ROR2: variants seen among roughly 807,000 people sequenced by gnomAD.
The protein encoded by ROR2 is ROR family WNT receptor 2.
In ROR2, 33 loss-of-function variants were observed where a neutral mutation model predicts 74.9. That is an observed-to-expected ratio of 0.44 (90% CI 0.33 to 0.59). The LOEUF (loss-of-function observed/expected upper bound fraction) is 0.59, where lower values mean the gene tolerates loss of function less well. ROR2 is among the 20% of genes least tolerant of loss of function. The probability of loss-of-function intolerance (pLI) is 0.02; values close to 1 mark genes in which losing one functional copy is unlikely to be tolerated. For missense variants in ROR2, 1,216 were observed against 1,313.8 expected, an observed-to-expected ratio of 0.93 and a Z score of 1.15; for synonymous variants, 586 against 558.7, an observed-to-expected ratio of 1.05 and a Z score of -0.69.
intron 1 of ROR2, among the ~76,000 whole-genome samples, chr9:91,779,175 A>C (rs1173410903): frequency 1.3e-5 from 2 of 152,146 alleles, no homozygotes; most frequent in Non-Finnish European, 2.9e-5. Context: ...GGTGTTAACA[A>C]TAGGGGAAAC....
chr9:91,808,491 T>C (rs1253579390), intron 1 of ROR2, among the ~76,000 whole-genome samples: 2 of 150,744 alleles, frequency 1.3e-5, no homozygotes, highest in Non-Finnish European at 2.9e-5. Flanking sequence ...TAGCTGGGTG[T>C]GGTGGCACAT....
rs764692122 is a variant in ROR2, at chr9:91,724,146, T to C, written c.2348A>G (p.Asn783Ser). 2 of 1,611,410 alleles carry C rather than the reference T, an allele frequency of 1.2e-6. No homozygotes were observed. Among genetic ancestry groups the C allele is most frequent in the South Asian group, 2.2e-5 (2 of 91,080 alleles). ...CTGCTTGGGCCCCACGTAGCGGGCG[T>C]TGCTCACATTGCTCACTGGGCTGGT... ...LSTSPVSNVS[N>S]ARYVGPKQKA... The change falls in exon 9 of 9, where the codon AAC (asparagine) becomes AGC (serine). Residue 783 changes from asparagine to serine, a missense_variant. Physicochemically the swap from Asn to Ser is conservative, Grantham distance 46. Coordinates refer to ENST00000375708, the MANE Select transcript of ROR2 (RefSeq NM_004560.4).
At chr9:91,757,621 T>C in intron 2 of ROR2, 62 bp from the exon 3 acceptor site, 1 of 1,570,404 alleles carries the variant, frequency 6.4e-7, no homozygotes, top group Non-Finnish European at 8.7e-7. Context: ...AAGGGCTACC[T>C]GGGGGCTCTG....
chr9:91,763,431 ACT>A, intron 2 of ROR2, among the ~76,000 whole-genome samples: 1 of 152,208 alleles, frequency 6.6e-6, no homozygotes, highest in East Asian at 1.9e-4. Context: ...TTTGTACTTC[ACT>A]AACAATATCT....
At chr9:91,825,559 G>A (rs540228969) in intron 1 of ROR2, among the ~76,000 whole-genome samples, 3 of 152,330 alleles carry the variant, frequency 2.0e-5, no homozygotes, top group East Asian at 1.9e-4. Flanking sequence ...CAGGCAGGGG[G>A]AGAAGGTGGG....
At chr9:91,896,351 A>C (rs1830539099) in intron 1 of ROR2, among the ~76,000 whole-genome samples, 1 of 152,178 alleles carries the variant, frequency 6.6e-6, no homozygotes, top group Non-Finnish European at 1.5e-5. Context: ...TGCTGTCCTC[A>C]TCCAGTTTAT....
intron 2 of ROR2, among the ~76,000 whole-genome samples, chr9:91,762,982 T>C (rs1433058127): frequency 1.3e-5 from 2 of 152,092 alleles, no homozygotes; most frequent in Non-Finnish European, 2.9e-5. Flanking sequence ...TTATACACCA[T>C]GGAATACAAT....
At chr9:91,874,617 A>C (rs930345554) in intron 1 of ROR2, among the ~76,000 whole-genome samples, 11 of 152,178 alleles carry the variant, frequency 7.2e-5, no homozygotes, top group African/African-American at 2.4e-4. Context: ...AAAGAAACCA[A>C]AACTGAAAAC....
At chr9:91,922,465 A>AT (rs985804702) in intron 1 of ROR2, among the ~76,000 whole-genome samples, 4 of 151,604 alleles carry the variant, frequency 2.6e-5, no homozygotes, top group East Asian at 2.0e-4. Flanking sequence ...TTTATTTTTT[A>AT]TTTTTTGAGA....
At chr9:91,829,709 C>T (rs1286265978) in intron 1 of ROR2, among the ~76,000 whole-genome samples, 1 of 152,160 alleles carries the variant, frequency 6.6e-6, no homozygotes, top group Non-Finnish European at 1.5e-5. Context: ...TATTCTGGAA[C>T]TGGACCAGCT....
In ROR2 at chr9:91,747,911, A is replaced by G. The variant is rs116723680; in HGVS notation, c.494+8160T>C. Among the ~76,000 whole-genome samples the G allele has an allele frequency of 6.1e-3, 923 of 152,316 alleles. 6 individuals carry two copies. Among genetic ancestry groups the G allele is most frequent in the African/African-American group, 0.021 (863 of 41,562 alleles). On this transcript the variant is annotated intron_variant, in intron 4 of 8. Coordinates refer to ENST00000375708, the MANE Select transcript of ROR2 (RefSeq NM_004560.4). ...TCTGCCAGAAAGCACAGTGGTGGTT[A>G]CCAGAGGCTGGGACTGTGGAACTGG...
intron 4 of ROR2, 40 bp from the exon 5 acceptor site, chr9:91,737,558 G>T: frequency 1.2e-6 from 2 of 1,613,834 alleles, no homozygotes; most frequent in Non-Finnish European, 1.7e-6. Flanking sequence ...GCTCTGGGAG[G>T]TGCCAGGTCC....
intron 1 of ROR2, among the ~76,000 whole-genome samples, chr9:91,889,873 G>A (rs759783206): frequency 2.1e-4 from 32 of 152,204 alleles, no homozygotes; most frequent in African/African-American, 7.5e-4. Context: ...ACTCTGCACA[G>A]CAAAAGGCTC....
intron 1 of ROR2, among the ~76,000 whole-genome samples, chr9:91,849,394 A>G (rs1829029951): frequency 1.3e-5 from 2 of 152,226 alleles, no homozygotes; most frequent in South Asian, 4.1e-4. Context: ...CTTCACTTTC[A>G]AAGATGTGCT....
chr9:91,869,999 C>G (rs1829750681), intron 1 of ROR2, among the ~76,000 whole-genome samples: 1 of 152,084 alleles, frequency 6.6e-6, no homozygotes, highest in African/African-American at 2.4e-5. Flanking sequence ...GTTCCGAGAG[C>G]CAAGAATAGT....
intron 1 of ROR2, among the ~76,000 whole-genome samples, chr9:91,912,484 C>T (rs1587841945): frequency 6.6e-6 from 1 of 152,012 alleles, no homozygotes; most frequent in East Asian, 1.9e-4. Context: ...ACCGTATGTG[C>T]TCCCAAAATA....
chr9:91,896,728 C>G (rs1830546886), intron 1 of ROR2, among the ~76,000 whole-genome samples: 1 of 152,140 alleles, frequency 6.6e-6, no homozygotes, highest in South Asian at 2.1e-4. Flanking sequence ...CTTCTAAGGG[C>G]ACTTTTTTTT....
chr9:91,725,617 A>C (rs985602287), intron 8 of ROR2, among the ~76,000 whole-genome samples: 1 of 152,352 alleles, frequency 6.6e-6, no homozygotes, highest in Non-Finnish European at 1.5e-5. Context: ...AGTCCAAGCC[A>C]GTTGTTCTAC....
chr9:91,866,073 C>A (rs1270020558), intron 1 of ROR2, among the ~76,000 whole-genome samples: 2 of 152,050 alleles, frequency 1.3e-5, no homozygotes, highest in Non-Finnish European at 1.5e-5. Flanking sequence ...GATATTCTTC[C>A]CTCTGCCCAA....
Sources: allele counts gnomAD v4.1 joint callset (sites outside exome capture counted in the v4.1 genomes callset), GRCh38; gene constraint gnomAD v4.1.1; transcripts MANE v1.5; gene names NCBI Gene and HGNC (gene_info 2026-07-23, HGNC 2026-07-21).